The following ABCC4 variants were observed in gnomAD, a reference collection of about 807,000 sequenced individuals.
The protein encoded by ABCC4 is ATP-binding cassette sub-family C member 4.
A neutral mutation model predicts 168.5 loss-of-function variants in ABCC4; 102 were observed. The ratio of observed to expected loss-of-function variants is 0.61; its 90% CI spans 0.52 to 0.71. ABCC4 has a LOEUF of 0.71. Ranked by LOEUF, ABCC4 falls within the 30% of genes least tolerant of loss-of-function variation. The pLI is 0.00. For missense variants in ABCC4, 1,402 were observed against 1,605.8 expected (o/e 0.87, Z 2.17); for synonymous variants, 617 against 590.7 (o/e 1.04, Z -0.65).
chr13:95,082,574 T>C (rs1274959065), intron 21 of ABCC4, among the ~76,000 whole-genome samples: 2 of 152,080 alleles, frequency 1.3e-5, no homozygotes, highest in African/African-American at 2.4e-5. Context: ...AAACTGAAAA[T>C]AACAATGCTT....
rs11568704 is a variant in ABCC4, at chr13:95,034,701, C to T, written c.3774G>A (p.Pro1258=). The change falls in exon 30 of 31, where the codon CCG becomes CCA. Residue 1258 remains proline (P), a synonymous_variant. Transcript: ENST00000645237. ...DSGRLKEYDE[P]YVLLQNKESL... is the part of the protein sequence containing the mutation. ...TCTCTTTATTTTGCAGCAAAACATACGGCTCATCATATTCTTTCAGTCTTC... is the reference window on the plus strand; with the variant it reads ...TCTCTTTATTTTGCAGCAAAACATATGGCTCATCATATTCTTTCAGTCTTC... 1.9e-3 allele frequency: 3,129 copies of T among 1,614,154 alleles called. 48 individuals carry two copies. In the African/African-American group the frequency reaches 0.035, roughly 18 times the overall value.
intron 1 of ABCC4, among the ~76,000 whole-genome samples, chr13:95,248,171 C>G (rs771554681): frequency 6.6e-6 from 1 of 152,104 alleles, no homozygotes; most frequent in East Asian, 1.9e-4. Flanking sequence ...AACAGAGGAC[C>G]CAGCTTGACG....
intron 20 of ABCC4, among the ~76,000 whole-genome samples, chr13:95,090,924 C>T (rs1009141387): frequency 3.3e-5 from 5 of 151,870 alleles, no homozygotes; most frequent in Admixed American, 6.6e-5. Context: ...AAACAGATAG[C>T]TTAAAAAAAA....
intron 20 of ABCC4, among the ~76,000 whole-genome samples, chr13:95,105,603 C>T (rs1417341433): frequency 6.6e-6 from 1 of 152,176 alleles, no homozygotes; most frequent in African/African-American, 2.4e-5. Context: ...CTCCCGAAAA[C>T]AGAAAACCTC....
intron 1 of ABCC4, among the ~76,000 whole-genome samples, chr13:95,293,907 GT>G (rs1172165663): frequency 2.0e-5 from 3 of 151,654 alleles, no homozygotes; most frequent in African/African-American, 7.3e-5. Flanking sequence ...GGTCTCCCAA[GT>G]AGCTGGGATT....
chr13:95,258,674 G>T (rs145643519), intron 1 of ABCC4, among the ~76,000 whole-genome samples: 15 of 152,214 alleles, frequency 9.9e-5, no homozygotes, highest in Non-Finnish European at 1.9e-4. Context: ...AAACTGCGGG[G>T]TGAACGAGTG....
At chr13:95,058,586 A>AG (rs2033158976) in intron 26 of ABCC4, among the ~76,000 whole-genome samples, 6 of 77,640 alleles carry the variant, frequency 7.7e-5, no homozygotes, top group East Asian at 3.5e-4. Flanking sequence ...AAAAAAAAAA[A>AG]AAAAAAGAAA....
At chr13:95,135,219 C>G (rs1197238035) in intron 19 of ABCC4, among the ~76,000 whole-genome samples, 1 of 152,086 alleles carries the variant, frequency 6.6e-6, no homozygotes. Context: ...AGAATCCCAC[C>G]ATTTTAAATG....
intron 27 of ABCC4, among the ~76,000 whole-genome samples, chr13:95,051,264 C>A (rs2032817722): frequency 6.6e-6 from 1 of 152,240 alleles, no homozygotes; most frequent in Non-Finnish European, 1.5e-5. Flanking sequence ...TGGCAGGAAA[C>A]TGTCAGGCCT....
In ABCC4 at chr13:95,247,451, G is replaced by A. The variant is rs564817648; in HGVS notation, c.185+192C>T. On this transcript the variant is annotated intron_variant, in intron 2 of 30. Coordinates refer to ENST00000645237, the MANE Select transcript of ABCC4 (RefSeq NM_005845.5). ...TGGTGCTGGCTCCCCTGACCTCTAC[G>A]GAGGCACAGGCAACAGGAGTTTCCC... 8.5e-5 allele frequency among the ~76,000 whole-genome samples: 13 copies of A among 152,220 alleles called. No individual in the cohort carries two copies. In the East Asian group the frequency reaches 1.4e-3, roughly 16 times the overall value.
intron 11 of ABCC4, among the ~76,000 whole-genome samples, chr13:95,183,381 T>C (rs948111741): frequency 6.6e-6 from 1 of 152,134 alleles, no homozygotes; most frequent in East Asian, 1.9e-4. Flanking sequence ...AATTCCAGTA[T>C]TGCTATTCTC....
intron 26 of ABCC4, among the ~76,000 whole-genome samples, chr13:95,056,452 A>T (rs1409637183): frequency 6.6e-6 from 1 of 152,184 alleles, no homozygotes; most frequent in African/African-American, 2.4e-5. Flanking sequence ...ACAAAGGAAA[A>T]AGAATTTAAG....
intron 6 of ABCC4, among the ~76,000 whole-genome samples, chr13:95,208,785 TA>T (rs1185678516): frequency 6.6e-6 from 1 of 152,086 alleles, no homozygotes; most frequent in African/African-American, 2.4e-5. Context: ...CATGCCCAGC[TA>T]ATTTTTTAAA....
intron 4 of ABCC4, among the ~76,000 whole-genome samples, chr13:95,233,503 G>A (rs2039681933): frequency 6.6e-6 from 1 of 152,028 alleles, no homozygotes; most frequent in South Asian, 2.1e-4. Flanking sequence ...ACTAGAGTTG[G>A]GAGAGAGGGA....
chr13:95,188,620 C>A, intron 9 of ABCC4, 78 bp from the exon 10 acceptor site: 1 of 1,177,034 alleles, frequency 8.5e-7, no homozygotes, highest in African/African-American at 1.5e-5. Context: ...GAAAACAATA[C>A]AACAGTCATT....
rs143419865 is a variant in ABCC4 at position 95,179,196 on chromosome 13, T to C, written c.1546-1105A>G. 4.3e-3 allele frequency among the ~76,000 whole-genome samples: 654 copies of C among 152,324 alleles called. 3 individuals are homozygous for C. Among genetic ancestry groups the C allele is most frequent in the Non-Finnish European group, 7.6e-3 (517 of 68,032 alleles). On this transcript the variant is annotated intron_variant, in intron 11 of 30. Coordinates refer to ENST00000645237, the MANE Select transcript of ABCC4 (RefSeq NM_005845.5). Reference sequence around the variant, plus strand: ...AACAACTGTGTCTTCACAAGCCATTTTGCGACTTTTGCCTCAGCTTTCCAT... The same window carrying C: ...AACAACTGTGTCTTCACAAGCCATTCTGCGACTTTTGCCTCAGCTTTCCAT...
chr13:95,266,622 G>A (rs1346416763), intron 1 of ABCC4, among the ~76,000 whole-genome samples: 1 of 152,144 alleles, frequency 6.6e-6, no homozygotes, highest in Non-Finnish European at 1.5e-5. Flanking sequence ...ACAGGGCTGA[G>A]ACTAGTCCAG....
intron 1 of ABCC4, among the ~76,000 whole-genome samples, chr13:95,292,390 G>T (rs1307496586): frequency 6.6e-6 from 1 of 152,116 alleles, no homozygotes; most frequent in Non-Finnish European, 1.5e-5. Context: ...ATGTGGCCAT[G>T]ATAGCTGTCT....
intron 2 of ABCC4, 138 bp from the exon 3 acceptor site, chr13:95,247,233 G>A (rs2040130550): frequency 8.4e-6 from 8 of 952,506 alleles, no homozygotes; most frequent in Non-Finnish European, 1.1e-5. Flanking sequence ...TTGCTCCCAG[G>A]GCTCCTGAAG....
Sources: gnomAD v4.1 joint callset for allele counts (sites outside exome capture counted in the v4.1 genomes callset) on GRCh38, gnomAD v4.1.1 for gene constraint, MANE v1.5 for transcripts, NCBI Gene and HGNC (gene_info 2026-07-23, HGNC 2026-07-21) for gene names.